Variants in COL24A1 observed in about 807,000 individuals in gnomAD.
COL24A1 encodes collagen alpha-1(XXIV) chain.
Under a neutral mutation model 253.9 loss-of-function variants are expected in COL24A1, and 224 were observed. The observed-to-expected ratio is 0.88, with a 90% confidence interval of 0.79 to 0.99. The LOEUF is 0.99. COL24A1 is among the 50% of genes least tolerant of loss of function. The pLI is 0.00. For synonymous variants in COL24A1, 685 were observed against 673.7 expected, an observed-to-expected ratio of 1.02 and a Z score of -0.26; for missense variants, 2,131 against 2,068.5, an observed-to-expected ratio of 1.03 and a Z score of -0.59.
At chr1:85,841,606 A>T (rs777907110) in intron 41 of COL24A1, among the ~76,000 whole-genome samples, 23 of 152,138 alleles carry the variant, frequency 1.5e-4, no homozygotes, top group Admixed American at 2.6e-4. Context: ...TCTTTAATAT[A>T]AATGAGCCAG....
chr1:85,733,312 C>G (rs1043538924), intron 59 of COL24A1, among the ~76,000 whole-genome samples: 3 of 152,076 alleles, frequency 2.0e-5, no homozygotes, highest in African/African-American at 7.2e-5. Context: ...AAAGAGGGGT[C>G]GGCAAACTCT....
chr1:85,809,779 AG>A (rs1165697109), intron 47 of COL24A1, among the ~76,000 whole-genome samples: 1 of 147,336 alleles, frequency 6.8e-6, no homozygotes, highest in Non-Finnish European at 1.5e-5. Context: ...ACATATATAT[AG>A]TATATAATAT....
intron 19 of COL24A1, among the ~76,000 whole-genome samples, chr1:86,007,185 G>A (rs147858726): frequency 9.2e-4 from 140 of 151,866 alleles, no homozygotes; most frequent in African/African-American, 3.2e-3. Flanking sequence ...ACTGAACTCC[G>A]GCCTGAGTGA....
At chr1:86,107,523 T>A (rs1397466091) in intron 5 of COL24A1, among the ~76,000 whole-genome samples, 1 of 148,808 alleles carries the variant, frequency 6.7e-6, no homozygotes, top group Non-Finnish European at 1.5e-5. Context: ...ATTTATTTAT[T>A]TATTTATTTA....
chr1:86,138,644 C>T (rs957550219), intron 2 of COL24A1, among the ~76,000 whole-genome samples: 4 of 152,138 alleles, frequency 2.6e-5, no homozygotes, highest in Non-Finnish European at 5.9e-5. Flanking sequence ...GCCTCCCTAG[C>T]TATATGGAAC....
At chr1:85,996,305 T>C (rs1694781983) in intron 19 of COL24A1, among the ~76,000 whole-genome samples, 1 of 152,222 alleles carries the variant, frequency 6.6e-6, no homozygotes, top group Non-Finnish European at 1.5e-5. Flanking sequence ...CATTATTTAC[T>C]GCATATTTTT....
intron 47 of COL24A1, among the ~76,000 whole-genome samples, chr1:85,815,550 T>C (rs1245211707): frequency 6.6e-6 from 1 of 152,178 alleles, no homozygotes; most frequent in Non-Finnish European, 1.5e-5. Flanking sequence ...TTTCAGAGAA[T>C]CTGACTAGAT....
At position 86,131,995 on chromosome 1, in the gene COL24A1, C is replaced by T. The variant is rs961970775; in HGVS notation, c.122-5781G>A. On this transcript the variant is annotated intron_variant, in intron 2 of 59. Transcript: ENST00000370571. ...TCCCACCAACAGTGTAAAAGTGTTC[C>T]TATTTCTCTACATCCTCCTCTCCAG... Among the ~76,000 whole-genome samples the T allele has an allele frequency of 1.2e-4, 19 of 152,256 alleles. 2 individuals are homozygous for T. Among genetic ancestry groups the T allele is most frequent in the Admixed American group, 5.2e-4 (8 of 15,290 alleles).
chr1:85,815,936 ATAAG>A lies in COL24A1; in HGVS notation c.3951+848_3951+851del, dbSNP rs147017555. On this transcript the variant is annotated intron_variant, in intron 47 of 59. Transcript: ENST00000370571. ...ATGTGATTTTTAAATTTCTGATCAA[ATAAG>A]TAAGATAGAAATCTGCATAAAAATA... Among the ~76,000 whole-genome samples the A allele has an allele frequency of 5.5e-3, 831 of 152,312 alleles. 7 individuals are homozygous for A. The highest frequency in any genetic ancestry group is 0.019 in the African/African-American group (800 of 41,568).
At chr1:85,876,127 A>T (rs1681137570) in intron 33 of COL24A1, among the ~76,000 whole-genome samples, 1 of 152,076 alleles carries the variant, frequency 6.6e-6, no homozygotes, top group Admixed American at 6.6e-5. Context: ...GAATGATATA[A>T]GAATGATAAA....
chr1:85,924,706 C>G (rs1686974745), intron 24 of COL24A1, among the ~76,000 whole-genome samples: 1 of 152,150 alleles, frequency 6.6e-6, no homozygotes, highest in Non-Finnish European at 1.5e-5. Context: ...AAACCCGCAG[C>G]CAATATCATA....
chr1:85,799,305 G>C (rs980249167), intron 47 of COL24A1, among the ~76,000 whole-genome samples: 10 of 133,322 alleles, frequency 7.5e-5, no homozygotes, highest in Non-Finnish European at 1.4e-4. Context: ...AAAAATCCCA[G>C]AATAAATATT....
chr1:85,743,154 G>C (rs941491081), intron 57 of COL24A1, among the ~76,000 whole-genome samples: 9 of 152,242 alleles, frequency 5.9e-5, no homozygotes, highest in East Asian at 1.9e-4. Context: ...ATCTTATCAA[G>C]AGTACAAGCT....
intron 55 of COL24A1, among the ~76,000 whole-genome samples, chr1:85,759,602 A>G (rs2101081566): frequency 6.6e-6 from 1 of 152,346 alleles, no homozygotes. Flanking sequence ...AAGGAGGAAA[A>G]GGGAGAAAAG....
At chr1:85,746,514 A>G (rs748017296) in intron 55 of COL24A1, among the ~76,000 whole-genome samples, 2 of 152,206 alleles carry the variant, frequency 1.3e-5, no homozygotes, top group East Asian at 3.9e-4. Flanking sequence ...CAATAATTAA[A>G]TTATCTCAAA....
intron 5 of COL24A1, among the ~76,000 whole-genome samples, chr1:86,097,759 A>C (rs1451732791): frequency 2.6e-5 from 4 of 151,636 alleles, no homozygotes; most frequent in African/African-American, 9.7e-5. Flanking sequence ...CGTTATCTGC[A>C]TTCATCCCTA....
rs1293026978 is a variant in COL24A1, at chr1:85,827,183, T to A, written c.3682-3445A>T. Reference sequence around the variant, plus strand: ...GCCTTTTCTGCATCTATTGAGATAATCATGTGGTTTTTGTCTTTGGTTCTG... The same window carrying A: ...GCCTTTTCTGCATCTATTGAGATAAACATGTGGTTTTTGTCTTTGGTTCTG... On this transcript the variant is annotated intron_variant, in intron 43 of 59. Coordinates refer to ENST00000370571, the MANE Select transcript of COL24A1 (RefSeq NM_152890.7). Among the ~76,000 whole-genome samples the A allele has an allele frequency of 6.6e-5, 10 of 152,050 alleles. No homozygotes were observed. The East Asian group carries it at 1.9e-3, about 29-fold the overall frequency.
At chr1:86,003,366 G>A (rs956965637) in intron 19 of COL24A1, among the ~76,000 whole-genome samples, 6 of 152,176 alleles carry the variant, frequency 3.9e-5, no homozygotes, top group African/African-American at 1.4e-4. Flanking sequence ...TTGAACCCAA[G>A]TGGGACCGGG....
intron 5 of COL24A1, among the ~76,000 whole-genome samples, chr1:86,101,966 C>G (rs959015010): frequency 2.6e-5 from 4 of 151,304 alleles, no homozygotes; most frequent in Admixed American, 1.3e-4. Flanking sequence ...TGTACCAGCT[C>G]TTTTTTGTAC....
Sources: gnomAD v4.1 joint callset for allele counts (sites outside exome capture counted in the v4.1 genomes callset) on GRCh38, gnomAD v4.1.1 for gene constraint, MANE v1.5 for transcripts, NCBI Gene and HGNC (gene_info 2026-07-23, HGNC 2026-07-21) for gene names.